Variants in FAT1 observed in about 807,000 individuals in gnomAD.
FAT1 encodes the protein protocadherin Fat 1.
A neutral mutation model predicts 329.8 loss-of-function variants in FAT1; 171 were observed. The ratio of observed to expected loss-of-function variants is 0.52; its 90% CI spans 0.46 to 0.59. The LOEUF is 0.59. Ranked by LOEUF, FAT1 falls within the 20% of genes least tolerant of loss-of-function variation. The probability of loss-of-function intolerance (pLI) is 0.00; values close to 1 mark genes in which losing one functional copy is unlikely to be tolerated. For synonymous variants in FAT1, 2,233 were observed against 2,228.6 expected (o/e 1.00, Z -0.06); for missense variants, 5,672 against 5,774.4 (o/e 0.98, Z 0.57).
At chr4:186,634,875 T>C (rs1740757092) in intron 6 of FAT1, among the ~76,000 whole-genome samples, 2 of 152,084 alleles carry the variant, frequency 1.3e-5, no homozygotes, top group Non-Finnish European at 2.9e-5. Flanking sequence ...TCAAACCAGG[T>C]CCAAGCACAG....
chr4:186,651,013 G>T (rs942327621), intron 3 of FAT1, among the ~76,000 whole-genome samples: 17 of 74,860 alleles, frequency 2.3e-4, no homozygotes, highest in Admixed American at 8.3e-4. Context: ...TTTTTACAAT[G>T]AAGTATTAAA....
chr4:186,726,452 C>G (rs1341430338), upstream of FAT1: 1 of 151,878 alleles, frequency 6.6e-6, no homozygotes, highest in Non-Finnish European at 1.5e-5. Flanking sequence ...TTTGAAGTAC[C>G]AACTTTGCCT....
At chr4:186,677,282 A>C (rs1743003889) in intron 2 of FAT1, among the ~76,000 whole-genome samples, 2 of 152,224 alleles carry the variant, frequency 1.3e-5, no homozygotes, top group Non-Finnish European at 2.9e-5. Context: ...TAACCTAATC[A>C]GGAAGTGATT....
At chr4:186,714,115 C>G (rs1041941636) in intron 1 of FAT1, among the ~76,000 whole-genome samples, 3 of 152,120 alleles carry the variant, frequency 2.0e-5, no homozygotes, top group Non-Finnish European at 4.4e-5. Flanking sequence ...GCCACGGTCT[C>G]AGTAAAATGG....
At chr4:186,702,534 C>T (rs1403566345) in intron 2 of FAT1, among the ~76,000 whole-genome samples, 1 of 152,212 alleles carries the variant, frequency 6.6e-6, no homozygotes, top group Non-Finnish European at 1.5e-5. Flanking sequence ...CATCAGGGAA[C>T]AGACCTCAAC....
intron 2 of FAT1, among the ~76,000 whole-genome samples, chr4:186,674,365 A>G (rs1304997978): frequency 1.3e-5 from 2 of 152,204 alleles, no homozygotes; most frequent in Non-Finnish European, 2.9e-5. Context: ...CAGTTATCCA[A>G]CTTTGGTAGC....
chr4:186,700,867 T>A (rs1744274854), intron 2 of FAT1, among the ~76,000 whole-genome samples: 1 of 152,202 alleles, frequency 6.6e-6, no homozygotes, highest in South Asian at 2.1e-4. Flanking sequence ...ATTACTAGAC[T>A]GGTGCTCACC....
rs1225154939 is a variant in FAT1, at chr4:186,708,011, A to G, written c.1817T>C (p.Ile606Thr). Residue 606 changes from isoleucine to threonine, a missense_variant, in exon 2 of 27, where the codon ATT becomes ACT. Ile to Thr is a moderately conservative substitution (Grantham distance 89, BLOSUM62 -1). Around this residue, in one of 2 missense-constraint regions of FAT1, gnomAD observed 3,966 missense variants for 3,915.2 expected, o/e 1.01. Coordinates refer to ENST00000441802, the MANE Select transcript of FAT1 (RefSeq NM_005245.4). The part of the protein sequence containing the change: ...ADELQLVQYQ[I>T]EAGNELDFFS... Reference sequence around the variant, plus strand: ...GAAATCCAGTTCATTTCCAGCTTCAATCTGATACTGTACCAACTGAAGTTC... The same window carrying G: ...GAAATCCAGTTCATTTCCAGCTTCAGTCTGATACTGTACCAACTGAAGTTC... 3.1e-6 allele frequency: 5 copies of G among 1,613,802 alleles called. No individual in the cohort carries two copies. The African/African-American group carries it at 4.0e-5, about 13-fold the overall frequency.
chr4:186,613,388 T>C lies in FAT1; in HGVS notation c.9230-46A>G, dbSNP rs2249926. 648,133 of 1,412,312 alleles carry C rather than the reference T, an allele frequency of 0.46. 152,994 individuals carry two copies. The highest frequency in any genetic ancestry group is 0.7 in the African/African-American group (49,696 of 70,844). 87.5% of individuals were successfully genotyped at this position (1,412,312 alleles called of 1,614,324 possible). A position where few individuals can be genotyped will look rare whatever the true frequency, so the allele number is the denominator to read the frequency against. ...ACTCACTTGTAATTTAAGACGTGAC[T>C]TGCAGTTGTACATCTTATTTCCTCC... On this transcript the variant is annotated intron_variant, in intron 12 of 26. Transcript: ENST00000441802.
intron 3 of FAT1, among the ~76,000 whole-genome samples, chr4:186,643,213 G>C (rs11737292): frequency 0.56 from 85,786 of 151,912 alleles, 24,567 homozygotes; most frequent in South Asian, 0.66. Flanking sequence ...AAGGCAGATG[G>C]AGAACGCGCT....
Position 186,706,849 on chromosome 4 carries a change from C to T in FAT1, c.2979G>A (p.Lys993=), listed in dbSNP as rs1397804525. The change falls in exon 2 of 27, where the codon AAG becomes AAA. Residue 993 remains lysine (K), a synonymous_variant. Transcript: ENST00000441802. ...TCACAGTGAGATTATACACTTGCTT[C>T]TTCTCAAAGTCCAACTGCTGGACGA... The part of the protein sequence containing the change: ...VRIVQQLDFE[K]KQVYNLTVRA... 1 of 1,613,850 alleles carries T rather than the reference C, an allele frequency of 6.2e-7. No individual in the cohort carries two copies. Among genetic ancestry groups the T allele is most frequent in the Non-Finnish European group, 8.5e-7 (1 of 1,179,898 alleles).
chr4:186,618,638 T>C lies in FAT1; in HGVS notation c.7948A>G (p.Lys2650Glu), dbSNP rs1217973046. 6.2e-7 allele frequency: 1 copy of C among 1,613,934 alleles called. No homozygotes were observed. Among genetic ancestry groups the C allele is most frequent in the East Asian group, 2.2e-5 (1 of 44,900 alleles). The part of the protein sequence containing the change: ...ESVKENLEIN[K>E]LSGVITTKES... ...TTTGTAGTGATTACGCCGGACAGTTTGTTAATTTCCAAATTCTCTTTTACA... is the reference window on the plus strand; with the variant it reads ...TTTGTAGTGATTACGCCGGACAGTTCGTTAATTTCCAAATTCTCTTTTACA... Residue 2650 changes from lysine to glutamate, a missense_variant, in exon 10 of 27, where the codon AAA (lysine) becomes GAA (glutamate). This residue lies in a region of FAT1 where 3,966 missense variants were observed against 3,915.2 expected (regional missense o/e 1.01). Transcript: ENST00000441802.
rs2126411648 is a variant in FAT1 at position 186,600,084 on chromosome 4, A to C, written c.11917T>G (p.Phe3973Val). The C allele has an allele frequency of 5.0e-6, 8 of 1,614,016 alleles. No homozygotes were observed. The highest frequency in any genetic ancestry group is 6.8e-6 in the Non-Finnish European group (8 of 1,179,890). ...HGRSPQVGNG[F>V]RGCMDSIYLN... ...TAAATGGAGTCCATACAACCCCTGA[A>C]ACCATTACCAACTTGAGGACTTCTT... The change falls in exon 22 of 27, where the codon TTC becomes GTC. Residue 3973 changes from phenylalanine (F) to valine (V), a missense_variant. Transcript: ENST00000441802.
intron 21 of FAT1, among the ~76,000 whole-genome samples, chr4:186,600,851 C>T (rs1738779945): frequency 6.6e-6 from 1 of 152,226 alleles, no homozygotes; most frequent in Admixed American, 6.5e-5. Context: ...GCTGGAATTA[C>T]AGGCGTCCGC....
At chr4:186,627,039 A>G (rs1337882167) in intron 9 of FAT1, among the ~76,000 whole-genome samples, 4 of 118,772 alleles carry the variant, frequency 3.4e-5, no homozygotes, top group Non-Finnish European at 6.6e-5. Context: ...TGAATGAGGG[A>G]CCAACATGGC....
At chr4:186,656,556 A>ATCACAAACACACG (rs368721319) in intron 3 of FAT1, among the ~76,000 whole-genome samples, 3,218 of 152,272 alleles carry the variant, frequency 0.021, 115 homozygotes, top group African/African-American at 0.073. Flanking sequence ...ATACACATAC[A>ATCACAAACACACG]TCACAAACAC....
intron 1 of FAT1, among the ~76,000 whole-genome samples, chr4:186,719,109 G>A (rs1464121211): frequency 6.6e-6 from 1 of 152,022 alleles, no homozygotes; most frequent in African/African-American, 2.4e-5. Context: ...TACAACTCTG[G>A]CATTACAAAC....
At position 186,709,477 on chromosome 4, in the gene FAT1, T is replaced by C. The variant is rs1197812790; in HGVS notation, c.351A>G (p.Thr117=). The C allele has an allele frequency of 1.9e-6, 3 of 1,613,902 alleles. No individual in the cohort carries two copies. The highest frequency in any genetic ancestry group is 2.5e-6 in the Non-Finnish European group (3 of 1,179,896). ...TTTTTTCAAGTGCTTTCACTATCAATGTGTAGTGATCCTTCACTTCTCTAT... is the reference window on the plus strand; with the variant it reads ...TTTTTTCAAGTGCTTTCACTATCAACGTGTAGTGATCCTTCACTTCTCTAT... ...ILNREVKDHY[T]LIVKALEKNT... Residue 117 remains threonine (T), a synonymous_variant, in exon 2 of 27, where the codon ACA becomes ACG. Coordinates refer to ENST00000441802, the MANE Select transcript of FAT1 (RefSeq NM_005245.4).
Position 186,588,636 on chromosome 4 carries a change from C to A in FAT1, c.13723G>T (p.Val4575Leu), listed in dbSNP as rs1738068508. 1.2e-6 allele frequency: 2 copies of A among 1,613,774 alleles called. No homozygotes were observed. Among genetic ancestry groups the A allele is most frequent in the Non-Finnish European group, 8.5e-7 (1 of 1,179,802 alleles). Residue 4575 changes from valine (V) to leucine (L), a missense_variant, in exon 27 of 27, where the codon GTG becomes TTG. Physicochemically the swap from Val to Leu is conservative, Grantham distance 32. Transcript: ENST00000441802. ...ESGDDGHFEE[V>L]TIPPLDSQQH... ...TGGGAATCCAGGGGCGGGATCGTCA[C>A]CTCTTCGAAGTGGCCGTCGTCCCCG...
Sources: gnomAD v4.1 joint callset for allele counts (sites outside exome capture counted in the v4.1 genomes callset) on GRCh38, gnomAD v4.1.1 for gene constraint, gnomAD v4.1.1 regional missense constraint, MANE v1.5 for transcripts, NCBI Gene and HGNC (gene_info 2026-07-23, HGNC 2026-07-21) for gene names.